SLC5A2: variants seen among roughly 807,000 people sequenced by gnomAD.
SLC5A2 encodes solute carrier family 5 member 2.
SLC5A2 carries 67 observed loss-of-function variants against 69.0 expected under a neutral mutation model. The ratio of observed to expected loss-of-function variants is 0.97; its 90% CI spans 0.80 to 1.19. The LOEUF (loss-of-function observed/expected upper bound fraction) is 1.19. Ranked by LOEUF, SLC5A2 falls within the 50% of genes most tolerant of loss-of-function variation. SLC5A2 has a pLI of 0.00. For missense variants in SLC5A2, 1,001 were observed against 921.5 expected (o/e 1.09, Z -1.12); for synonymous variants, 455 against 395.8 (o/e 1.15, Z -1.78).
rs1008788353 is a variant in SLC5A2 at position 31,488,372 on chromosome 16, C to T, written c.1022-11C>T. 1.2e-6 allele frequency: 2 copies of T among 1,610,714 alleles called. No individual in the cohort carries two copies. The highest frequency in any genetic ancestry group is 1.3e-5 in the African/African-American group (1 of 74,952). The stretch of plus-strand genomic sequence containing the variant: ...CCCCGTCCTAACGGCGCGGTGGCCT[C>T]TCTCTGGCAGACGAGGTGGCGTGCG... On this transcript the variant is annotated splice_polypyrimidine_tract_variant and intron_variant, in intron 8 of 13. Transcript: ENST00000330498.
intron 1 of SLC5A2, among the ~76,000 whole-genome samples, chr16:31,484,402 C>T (rs1406191855): frequency 1.6e-5 from 2 of 128,352 alleles, no homozygotes; most frequent in Non-Finnish European, 3.3e-5. Flanking sequence ...GCCTGGGCAA[C>T]AAGAGCAAGA....
chr16:31,488,795 C>G (rs1021445171), intron 10 of SLC5A2, 23 bp downstream of exon 10: 1 of 1,600,338 alleles, frequency 6.2e-7, no homozygotes, highest in Non-Finnish European at 8.5e-7. Context: ...CTCCCCTCCT[C>G]CCCAACGGAT....
In SLC5A2 at chr16:31,488,602, C is replaced by T. The variant is rs749500766; in HGVS notation, c.1130-20C>T. On this transcript the variant is annotated intron_variant, in intron 9 of 13. Transcript: ENST00000330498. ...TGGACCCCCAGTGGCCCCAGCCTCACGGCTGCCGTCGGCCCGCAGGTCTGC... is the reference window on the plus strand; with the variant it reads ...TGGACCCCCAGTGGCCCCAGCCTCATGGCTGCCGTCGGCCCGCAGGTCTGC... 3.7e-5 allele frequency: 60 copies of T among 1,608,774 alleles called. No individual in the cohort carries two copies. The highest frequency in any genetic ancestry group is 4.8e-5 in the Non-Finnish European group (56 of 1,178,548).
chr16:31,484,200 C>G lies in SLC5A2; in HGVS notation c.127-473C>G, dbSNP rs567911480. The stretch of plus-strand genomic sequence containing the variant: ...AGGAGTTCAAGGCCAGCCTGGCCAA[C>G]ATGGTGAAACCCTGTCTCTACTAAA... On this transcript the variant is annotated intron_variant, in intron 1 of 13. Coordinates refer to ENST00000330498, the MANE Select transcript of SLC5A2 (RefSeq NM_003041.4). Among the ~76,000 whole-genome samples, 8 of 151,816 alleles carry G rather than the reference C, an allele frequency of 5.3e-5. No individual in the cohort carries two copies. The South Asian group carries it at 6.2e-4, about 12-fold the overall frequency.
In SLC5A2 at chr16:31,487,323, G is replaced by A. The variant is rs2082503623; in HGVS notation, c.578G>A (p.Gly193Glu). The A allele has an allele frequency of 6.2e-7, 1 of 1,613,650 alleles. No individual in the cohort carries two copies. The highest frequency in any genetic ancestry group is 8.5e-7 in the Non-Finnish European group (1 of 1,179,996). The change falls in exon 6 of 14, where the codon GGG becomes GAG. Residue 193 changes from glycine (G) to glutamate (E), a missense_variant. Physicochemically the swap from Gly to Glu is moderately conservative, Grantham distance 98. Transcript: ENST00000330498. ...CCCTGACCCCGGCCTGTTGCAGGAGGGCTGGCCGCGCTGATGTACACGGAC... is the reference window on the plus strand; with the variant it reads ...CCCTGACCCCGGCCTGTTGCAGGAGAGCTGGCCGCGCTGATGTACACGGAC... ...GITMIYTVTGGLAALMYTDTV... is the reference protein window; with the variant it reads ...GITMIYTVTGELAALMYTDTV...
In SLC5A2 at chr16:31,489,193, G is replaced by A. The variant is rs771234349; in HGVS notation, c.1520G>A (p.Gly507Asp). The A allele has an allele frequency of 1.2e-6, 2 of 1,610,194 alleles. No homozygotes were observed. The highest frequency in any genetic ancestry group is 1.1e-5 in the South Asian group (1 of 91,092). Residue 507 changes from glycine to aspartate, a missense_variant, in exon 12 of 14, where the codon GGC becomes GAC. Transcript: ENST00000330498. Reference sequence around the variant, plus strand: ...CGCCTGATTCCCGAGTTCTCCTTCGGCTCGGGCAGCTGTGTGCAGCCCTCG... The same window carrying A: ...CGCCTGATTCCCGAGTTCTCCTTCGACTCGGGCAGCTGTGTGCAGCCCTCG... ...LARLIPEFSFGSGSCVQPSAC... is the reference protein window; with the variant it reads ...LARLIPEFSFDSGSCVQPSAC...
At chr16:31,486,149 G>C (rs1197762523) in intron 4 of SLC5A2, 21 bp from the exon 5 acceptor site, 3 of 1,585,214 alleles carry the variant, frequency 1.9e-6, no homozygotes, top group Non-Finnish European at 2.6e-6. Context: ...GTCCTGACCT[G>C]GCACTTGCTT....
At position 31,486,218 on chromosome 16, in the gene SLC5A2, A is replaced by C. The variant is rs758839591; in HGVS notation, c.517A>C (p.Asn173His). ...ATTCATCCAGCAGGCTCTGGGCTGGAACATCTATGCCTCCGTCATCGCGCT... is the reference window on the plus strand; with the variant it reads ...ATTCATCCAGCAGGCTCTGGGCTGGCACATCTATGCCTCCGTCATCGCGCT... Reference protein sequence around the residue: ...AVFIQQALGWNIYASVIALLG... With the variant: ...AVFIQQALGWHIYASVIALLG... The change falls in exon 5 of 14, where the codon AAC (asparagine) becomes CAC (histidine). Residue 173 changes from asparagine (N) to histidine (H), a missense_variant. Coordinates refer to ENST00000330498, the MANE Select transcript of SLC5A2 (RefSeq NM_003041.4). The C allele has an allele frequency of 6.8e-6, 11 of 1,614,052 alleles. No individual in the cohort carries two copies. Among genetic ancestry groups the C allele is most frequent in the Non-Finnish European group, 7.6e-6 (9 of 1,180,000 alleles).
At position 31,490,148 on chromosome 16, in the gene SLC5A2, G is replaced by A; in HGVS notation, c.1710G>A (p.Arg570=). The A allele has an allele frequency of 6.2e-7, 1 of 1,614,124 alleles. No individual in the cohort carries two copies. Among genetic ancestry groups the A allele is most frequent in the Non-Finnish European group, 8.5e-7 (1 of 1,180,034 alleles). ...VFSLRHSKEE[R]EDLDADEQQG... ...GTCTCCGGCATAGCAAGGAGGAACG[G>A]GAGGACCTGGATGCTGATGAGCAGC... is the stretch of plus-strand genomic sequence containing the variant. Residue 570 remains arginine, a synonymous_variant, in exon 13 of 14, where the codon CGG becomes CGA. Transcript: ENST00000330498.
intron 4 of SLC5A2, 106 bp downstream of exon 4, chr16:31,485,999 G>A (rs1296120594): frequency 1.6e-5 from 22 of 1,357,786 alleles, no homozygotes; most frequent in Non-Finnish European, 2.2e-5. Context: ...CACTGCGAGG[G>A]TTATGATGAT....
At chr16:31,488,560 C>G (rs1374314857) in intron 9 of SLC5A2, 62 bp from the exon 10 acceptor site, 25 of 1,605,148 alleles carry the variant, frequency 1.6e-5, no homozygotes, top group Non-Finnish European at 2.0e-5. Flanking sequence ...TCGTCCCTCG[C>G]GCAGCTGCAG....
At chr16:31,485,554 T>A in intron 3 of SLC5A2, 175 bp from the exon 4 acceptor site, 1 of 681,766 alleles carries the variant, frequency 1.5e-6, no homozygotes. Flanking sequence ...CCCAGGAGGG[T>A]GTCAGCTCTG....
At chr16:31,490,046 T>C (rs2082548074) in intron 12 of SLC5A2, 58 bp from the exon 13 acceptor site, 12 of 1,609,354 alleles carry the variant, frequency 7.5e-6, no homozygotes, top group Non-Finnish European at 1.0e-5. Context: ...CAAGAGACTT[T>C]AGGGCCAGGC....
chr16:31,483,599 C>T (rs1054614723), intron 1 of SLC5A2, among the ~76,000 whole-genome samples: 14 of 152,022 alleles, frequency 9.2e-5, no homozygotes, highest in Non-Finnish European at 7.4e-5. Flanking sequence ...AATGATAAAT[C>T]CTGGGGAGTT....
chr16:31,489,343 G>C lies in SLC5A2; in HGVS notation c.1665+5G>C. On this transcript the variant is annotated splice_donor_5th_base_variant and intron_variant, in intron 12 of 13. Coordinates refer to ENST00000330498, the MANE Select transcript of SLC5A2 (RefSeq NM_003041.4). ...GCGCCCATCCCCAGAAAGCACGTGA[G>C]TGGCCAGGTGCCCCAGGCAAGCACT... The C allele has an allele frequency of 6.2e-7, 1 of 1,605,954 alleles. No individual in the cohort carries two copies. The highest frequency in any genetic ancestry group is 8.5e-7 in the Non-Finnish European group (1 of 1,179,526).
rs768270732 is a variant in SLC5A2, at chr16:31,490,142, G to A, written c.1704G>A (p.Glu568=). 16 of 1,614,166 alleles carry A rather than the reference G, an allele frequency of 9.9e-6. No individual in the cohort carries two copies. In the Admixed American group the frequency reaches 2.3e-4, roughly 24 times the overall value. ...RLVFSLRHSK[E]EREDLDADEQ... The stretch of plus-strand genomic sequence containing the variant: ...TCTTCAGTCTCCGGCATAGCAAGGA[G>A]GAACGGGAGGACCTGGATGCTGATG... The change falls in exon 13 of 14, where the codon GAG becomes GAA. Residue 568 remains glutamate (E), a synonymous_variant. Transcript: ENST00000330498.
In SLC5A2 at chr16:31,490,514, C is replaced by A; in HGVS notation, c.1998C>A (p.Phe666Leu). ...NALLMMAVAV[F>L]LWGFYA ...TGCTCATGATGGCAGTGGCCGTGTT[C>A]CTCTGGGGCTTCTATGCCTAAGACC... Residue 666 changes from phenylalanine to leucine, a missense_variant, in exon 14 of 14, where the codon TTC becomes TTA. Phe to Leu is a conservative substitution (Grantham distance 22, BLOSUM62 0). Transcript: ENST00000330498. 1 of 1,612,922 alleles carries A rather than the reference C, an allele frequency of 6.2e-7. No individual in the cohort carries two copies. The highest frequency in any genetic ancestry group is 1.1e-5 in the South Asian group (1 of 90,728).
Position 31,490,441 on chromosome 16 carries a change from A to C in SLC5A2, c.1925A>C (p.Asp642Ala). ...EAAAAARRLEDISEDPSWARV... is the reference protein window; with the variant it reads ...EAAAAARRLEAISEDPSWARV... ...GCGGCAGCAGCCAGGCGGCTGGAGGACATCAGCGAGGACCCGAGCTGGGCC... is the reference window on the plus strand; with the variant it reads ...GCGGCAGCAGCCAGGCGGCTGGAGGCCATCAGCGAGGACCCGAGCTGGGCC... Residue 642 changes from aspartate (D) to alanine (A), a missense_variant, in exon 14 of 14, where the codon GAC becomes GCC. By Grantham distance (126) the Asp-to-Ala change is moderately radical. Coordinates refer to ENST00000330498, the MANE Select transcript of SLC5A2 (RefSeq NM_003041.4). 6.2e-7 allele frequency: 1 copy of C among 1,613,924 alleles called. No individual in the cohort carries two copies. The highest frequency in any genetic ancestry group is 2.2e-5 in the East Asian group (1 of 44,876).
intron 3 of SLC5A2, chr16:31,485,459 A>C (rs1464682409): frequency 5.4e-6 from 3 of 559,482 alleles, no homozygotes; most frequent in Non-Finnish European, 6.4e-6. Context: ...GCTGGGGTTC[A>C]TATCTAGATG....
Sources: gnomAD v4.1 joint callset for allele counts (sites outside exome capture counted in the v4.1 genomes callset) on GRCh38, gnomAD v4.1.1 for gene constraint, MANE v1.5 for transcripts, NCBI Gene and HGNC (gene_info 2026-07-23, HGNC 2026-07-21) for gene names.